Variants in NR2F6 observed in about 807,000 individuals in gnomAD.
NR2F6 encodes nuclear receptor subfamily 2 group F member 6.
A neutral mutation model predicts 26.5 loss-of-function variants in NR2F6; 16 were observed. The observed-to-expected ratio is 0.60, with a 90% CI of 0.41 to 0.92. The LOEUF (loss-of-function observed/expected upper bound fraction) is 0.92. Ranked by LOEUF, NR2F6 falls within the 40% of genes least tolerant of loss-of-function variation. The pLI, the probability that NR2F6 is intolerant of heterozygous loss-of-function variation, is 0.00. For synonymous variants in NR2F6, 325 were observed against 305.0 expected (o/e 1.07, Z -0.68); for missense variants, 536 against 631.7 (o/e 0.85, Z 1.62).
At chr19:17,233,910 C>T (rs1245831810) in intron 3 of NR2F6, among the ~76,000 whole-genome samples, 1 of 152,022 alleles carries the variant, frequency 6.6e-6, no homozygotes, top group African/African-American at 2.4e-5. Context: ...TAGAGAGAGA[C>T]CCAAGATAGG....
chr19:17,238,345 A>G (rs1383777936), intron 2 of NR2F6, among the ~76,000 whole-genome samples: 1 of 152,164 alleles, frequency 6.6e-6, no homozygotes, highest in Admixed American at 6.5e-5. Flanking sequence ...CAAATTACAG[A>G]ACAAGACAGG....
intron 2 of NR2F6, among the ~76,000 whole-genome samples, chr19:17,238,929 G>C (rs1422732077): frequency 1.3e-5 from 2 of 152,114 alleles, no homozygotes; most frequent in Admixed American, 6.6e-5. Context: ...TGCCGGGTGG[G>C]GTGGCTCATG....
rs781500396 is a variant in NR2F6, at chr19:17,232,307, GGTCT to G, written c.*41_*44del. On this transcript the variant is annotated 3_prime_UTR_variant, in exon 4 of 4. Transcript: ENST00000291442. ...GGCCTCAGCATTCCCTGTCCCTTGA[GGTCT>G]GTCTGCAGGCCTGGCCACAGCACAC... is the stretch of plus-strand genomic sequence containing the variant. The G allele has an allele frequency of 8.7e-6, 14 of 1,612,708 alleles. No homozygotes were observed. The Admixed American group carries it at 1.2e-4, about 13-fold the overall frequency.
chr19:17,233,406 G>A (rs1398894521), intron 3 of NR2F6, among the ~76,000 whole-genome samples: 1 of 152,214 alleles, frequency 6.6e-6, no homozygotes. Flanking sequence ...TCCAGAGATA[G>A]TGAGGTGTTC....
intron 2 of NR2F6, among the ~76,000 whole-genome samples, chr19:17,237,586 A>G (rs2073446532): frequency 1.3e-5 from 2 of 151,844 alleles, no homozygotes; most frequent in Admixed American, 1.3e-4. Flanking sequence ...TAATTTTTGT[A>G]TTTTTAGTAG....
rs755691577 is a variant in NR2F6, at chr19:17,232,642, C to T, written c.941-16G>A. The T allele has an allele frequency of 6.6e-7, 1 of 1,518,132 alleles. No individual in the cohort carries two copies. Among genetic ancestry groups the T allele is most frequent in the Non-Finnish European group, 8.8e-7 (1 of 1,139,014 alleles). The allele number at this position is 1,518,132 out of a possible 1,614,324, so 94.0% of individuals were successfully genotyped here. A position where few individuals can be genotyped will look rare whatever the true frequency, so the allele number is the denominator to read the frequency against. On this transcript the variant is annotated splice_polypyrimidine_tract_variant and intron_variant, in intron 3 of 3. Transcript: ENST00000291442. ...CCACAGGCGTCTAGGGGGACAAAGG[C>T]AAGTCAGACAGGTGGGAGGCAGCTA...
intron 2 of NR2F6, among the ~76,000 whole-genome samples, chr19:17,237,736 C>T (rs889396600): frequency 2.0e-5 from 3 of 152,138 alleles, no homozygotes; most frequent in Non-Finnish European, 2.9e-5. Flanking sequence ...GTTCACTCTT[C>T]CTCAAACCCC....
rs1232090780 is a variant in NR2F6 at position 17,245,384 on chromosome 19, C to A, written c.-164G>T. On this transcript the variant is annotated 5_prime_UTR_variant, in exon 1 of 4. Coordinates refer to ENST00000291442, the MANE Select transcript of NR2F6 (RefSeq NM_005234.4). The surrounding 1 kb of genome is among the most constrained non-coding windows in gnomAD (Gnocchi z 5.0). ...GCAGCAACTTCCTGCGGCCGGTCCT[C>A]GCGCCCGGGCGGAACTGGTCGGGCC... The A allele has an allele frequency of 1.0e-5, 5 of 499,062 alleles. No individual in the cohort carries two copies. Among genetic ancestry groups the A allele is most frequent in the Non-Finnish European group, 1.4e-5 (5 of 344,942 alleles). The allele number at this position is 499,062 out of a possible 1,614,324, so 30.9% of individuals were successfully genotyped here.
intron 2 of NR2F6, among the ~76,000 whole-genome samples, chr19:17,239,326 ACT>A (rs1373864185): frequency 6.8e-6 from 1 of 146,410 alleles, no homozygotes; most frequent in African/African-American, 2.6e-5. Context: ...ACAGAGCGAG[ACT>A]CTGTCTCAAA....
intron 1 of NR2F6, among the ~76,000 whole-genome samples, chr19:17,243,558 G>T (rs1038868576): frequency 6.6e-6 from 1 of 151,700 alleles, no homozygotes; most frequent in African/African-American, 2.4e-5. Context: ...CCTCCCTAAA[G>T]ATATGACCAG....
rs2073430595 is a variant in NR2F6 at position 17,235,466 on chromosome 19, C to A, written c.940+33G>T. The A allele has an allele frequency of 6.5e-7, 1 of 1,548,548 alleles. No homozygotes were observed. Among genetic ancestry groups the A allele is most frequent in the African/African-American group, 1.4e-5 (1 of 73,270 alleles). On this transcript the variant is annotated intron_variant, in intron 3 of 3. Coordinates refer to ENST00000291442, the MANE Select transcript of NR2F6 (RefSeq NM_005234.4). This position sits in a 1 kb window ranked among gnomAD's most constrained non-coding sequence, Gnocchi z 5.0. ...TCCTCCTAACCTCCCTTGGGTCCCC[C>A]CATCCCGCGGCCCTCTTCGGAGCGT...
At chr19:17,232,651 C>G (rs766007197) in intron 3 of NR2F6, 25 bp from the exon 4 acceptor site, 48 of 1,515,330 alleles carry the variant, frequency 3.2e-5, no homozygotes, top group Non-Finnish European at 4.0e-5. Context: ...GCAAGTCAGA[C>G]AGGTGGGAGG....
chr19:17,244,341 T>C (rs1321190739), intron 1 of NR2F6: 1 of 152,720 alleles, frequency 6.5e-6, no homozygotes, highest in African/African-American at 2.4e-5. Flanking sequence ...TTCCCTGAGA[T>C]GGGCAAGCCC....
In NR2F6 at chr19:17,245,050, C is replaced by T. The variant is rs1021973777; in HGVS notation, c.171G>A (p.Val57=). The part of the protein sequence containing the change: ...EERPGLQVDC[V]VCGDKSSGKH... ...TGCCGCTCGACTTGTCCCCGCACACCACGCAGTCCACCTGCAGCCCCGGCC... is the reference window on the plus strand; with the variant it reads ...TGCCGCTCGACTTGTCCCCGCACACTACGCAGTCCACCTGCAGCCCCGGCC... The change falls in exon 1 of 4, where the codon GTG becomes GTA. Residue 57 remains valine, a synonymous_variant. Transcript: ENST00000291442. The surrounding 1 kb of genome is among the most constrained non-coding windows in gnomAD (Gnocchi z 5.0). 1.2e-5 allele frequency: 20 copies of T among 1,602,690 alleles called. No homozygotes were observed. The highest frequency in any genetic ancestry group is 1.4e-5 in the Non-Finnish European group (17 of 1,175,424).
intron 3 of NR2F6, among the ~76,000 whole-genome samples, chr19:17,234,733 T>C (rs2073426211): frequency 6.6e-6 from 1 of 152,082 alleles, no homozygotes; most frequent in African/African-American, 2.4e-5. Flanking sequence ...TGCACGCCTG[T>C]GGTCCCAGCT....
intron 3 of NR2F6, among the ~76,000 whole-genome samples, chr19:17,233,122 G>T: frequency 6.6e-6 from 1 of 152,138 alleles, no homozygotes; most frequent in East Asian, 1.9e-4. Context: ...ACTCCAGCCT[G>T]GGCAACAGAG....
rs1415401725 is a variant in NR2F6, at chr19:17,235,328, T to C, written c.940+171A>G. Among the ~76,000 whole-genome samples, 1 of 152,160 alleles carries C rather than the reference T, an allele frequency of 6.6e-6. No homozygotes were observed. The highest frequency in any genetic ancestry group is 1.5e-5 in the Non-Finnish European group (1 of 68,016). ...GGGGGTGTCACAGTGTCACACTGCT[T>C]ACATCACCCCTCTACAGCCACCCAA... On this transcript the variant is annotated intron_variant, in intron 3 of 3. Transcript: ENST00000291442. The surrounding 1 kb of genome is among the most constrained non-coding windows in gnomAD (Gnocchi z 5.0).
intron 3 of NR2F6, 68 bp from the exon 4 acceptor site, chr19:17,232,694 T>C (rs1426609248): frequency 2.0e-6 from 3 of 1,482,426 alleles, no homozygotes; most frequent in Admixed American, 2.3e-5. Flanking sequence ...CAGGGGTGAC[T>C]AGGGGACACC....
intron 2 of NR2F6, among the ~76,000 whole-genome samples, chr19:17,239,237 T>G (rs1487315220): frequency 6.6e-6 from 1 of 152,006 alleles, no homozygotes; most frequent in East Asian, 1.9e-4. Flanking sequence ...CTCAGGAGGC[T>G]GAGGCAGGAG....
Sources: gnomAD v4.1 joint callset for allele counts (sites outside exome capture counted in the v4.1 genomes callset) on GRCh38, gnomAD v4.1.1 for gene constraint, Gnocchi (gnomAD v3.1) non-coding constraint, MANE v1.5 for transcripts, NCBI Gene and HGNC (gene_info 2026-07-23, HGNC 2026-07-21) for gene names.